SS18L1: variants seen among roughly 807,000 people sequenced by gnomAD.
The protein encoded by SS18L1 is SS18L1 subunit of BAF chromatin remodeling complex.
Under a neutral mutation model 70.3 loss-of-function variants are expected in SS18L1, and 32 were observed. The ratio of observed to expected loss-of-function variants is 0.46; its 90% CI spans 0.34 to 0.61. The LOEUF (loss-of-function observed/expected upper bound fraction) is 0.61, where lower values mean the gene tolerates loss of function less well. Among genes scored for constraint, SS18L1 ranks in the 20% least tolerant of loss-of-function variants. The pLI, the probability that SS18L1 is intolerant of heterozygous loss-of-function variation, is 0.01. For missense variants in SS18L1, 430 were observed against 542.1 expected (o/e 0.79, Z 2.05); for synonymous variants, 237 against 229.7 (o/e 1.03, Z -0.29).
intron 8 of SS18L1, among the ~76,000 whole-genome samples, chr20:62,169,371 C>T (rs1408752663): frequency 6.6e-6 from 1 of 152,246 alleles, no homozygotes; most frequent in Non-Finnish European, 1.5e-5. Context: ...AGGGCTCAGG[C>T]AGTCCAGAGC....
intron 1 of SS18L1, among the ~76,000 whole-genome samples, chr20:62,147,088 G>C (rs181944598): frequency 6.6e-6 from 1 of 152,334 alleles, no homozygotes; most frequent in African/African-American, 2.4e-5. Context: ...GAGTGCGTTT[G>C]TGGTGAGGGC....
chr20:62,163,070 G>T, intron 5 of SS18L1, 139 bp downstream of exon 5: 1 of 1,174,152 alleles, frequency 8.5e-7, no homozygotes, highest in Non-Finnish European at 1.2e-6. Flanking sequence ...AATCGGGGCT[G>T]GCCGCTGCCT....
At chr20:62,175,032 C>A in intron 10 of SS18L1, 1 of 755,072 alleles carries the variant, frequency 1.3e-6, no homozygotes, top group Non-Finnish European at 1.6e-6. Flanking sequence ...TCCCACAGGG[C>A]CAGACTGTGC....
intron 1 of SS18L1, among the ~76,000 whole-genome samples, chr20:62,157,491 G>A (rs138220014): frequency 3.3e-4 from 51 of 152,324 alleles, no homozygotes; most frequent in African/African-American, 1.1e-3. Flanking sequence ...CATCTTGAGC[G>A]CAGACCGTGC....
chr20:62,153,666 A>G (rs1357694586), intron 1 of SS18L1, among the ~76,000 whole-genome samples: 1 of 150,738 alleles, frequency 6.6e-6, no homozygotes, highest in Non-Finnish European at 1.5e-5. Context: ...GGAGTTGTTG[A>G]TTGTTTTTCT....
intron 10 of SS18L1, among the ~76,000 whole-genome samples, chr20:62,176,688 A>T (rs1156894013): frequency 6.6e-6 from 1 of 152,036 alleles, no homozygotes; most frequent in Non-Finnish European, 1.5e-5. Flanking sequence ...CTGTAAGCCC[A>T]GCTATTGGGG....
rs200309589 is a variant in SS18L1, at chr20:62,174,548, C to T, written c.1068C>T (p.Pro356=). Residue 356 remains proline (P), a synonymous_variant, in exon 10 of 11, where the codon CCC becomes CCT. Coordinates refer to ENST00000331758, the MANE Select transcript of SS18L1 (RefSeq NM_198935.3). This position sits in a 1 kb window ranked among gnomAD's most constrained non-coding sequence, Gnocchi z 4.1. ...GSAQGAPSQY[P]GYQQGQGQQY... ...CCCAGGGAGCCCCGTCACAGTACCC[C>T]GGCTACCAGCAAGGCCAAGGCCAGC... 81 of 1,614,084 alleles carry T rather than the reference C, an allele frequency of 5.0e-5. No individual in the cohort carries two copies. The highest frequency in any genetic ancestry group is 1.2e-4 in the Admixed American group (7 of 60,030).
intron 1 of SS18L1, among the ~76,000 whole-genome samples, chr20:62,145,504 AAC>A (rs566094383): frequency 9.2e-4 from 140 of 152,332 alleles, no homozygotes; most frequent in Non-Finnish European, 1.5e-3. Context: ...TTTGGAGCTT[AAC>A]AGTCATTGTT....
At chr20:62,165,147 C>T (rs544640265) in intron 7 of SS18L1, among the ~76,000 whole-genome samples, 5 of 152,370 alleles carry the variant, frequency 3.3e-5, no homozygotes, top group Admixed American at 2.6e-4. Context: ...GGGTCACTAG[C>T]ATGGCTGTGT....
In SS18L1 at chr20:62,164,162, C is replaced by G; in HGVS notation, c.739C>G (p.Leu247Val). ...CCCCGCAGGCTCTTCCCAGCAGTAC[C>G]TGGGCCAGGAGGAGTACTATGGCGA... ...PSQQGSSQQYLGQEEYYGEQY... is the reference protein window; with the variant it reads ...PSQQGSSQQYVGQEEYYGEQY... The change falls in exon 7 of 11, where the codon CTG (leucine) becomes GTG (valine). Residue 247 changes from leucine to valine, a missense_variant. Transcript: ENST00000331758. 1 of 1,550,084 alleles carries G rather than the reference C, an allele frequency of 6.5e-7. No individual in the cohort carries two copies. The highest frequency in any genetic ancestry group is 2.4e-5 in the East Asian group (1 of 40,914).
chr20:62,172,633 C>T (rs1372350663), intron 8 of SS18L1, 49 bp from the exon 9 acceptor site: 3 of 1,613,350 alleles, frequency 1.9e-6, no homozygotes, highest in Non-Finnish European at 2.5e-6. Context: ...GAATGAGCCC[C>T]CTTAGCCCAG....
chr20:62,168,098 C>T (rs568972434), intron 8 of SS18L1, among the ~76,000 whole-genome samples: 1 of 151,606 alleles, frequency 6.6e-6, no homozygotes, highest in East Asian at 1.9e-4. Flanking sequence ...TGCAGGGGCT[C>T]CAGGTGTGCG....
In SS18L1 at chr20:62,174,150, C is replaced by T. The variant is rs977583387; in HGVS notation, c.1037-367C>T. 1.3e-5 allele frequency among the ~76,000 whole-genome samples: 2 copies of T among 152,156 alleles called. No homozygotes were observed. Among genetic ancestry groups the T allele is most frequent in the Non-Finnish European group, 2.9e-5 (2 of 68,034 alleles). On this transcript the variant is annotated intron_variant, in intron 9 of 10. Transcript: ENST00000331758. The surrounding 1 kb of genome is among the most constrained non-coding windows in gnomAD (Gnocchi z 4.1). ...CCCGTGGTAGTTCAGTGACAAGTTA[C>T]AGCAGCCAGTGTGACTGGGGCCAGC... is the stretch of plus-strand genomic sequence containing the variant.
At position 62,161,284 on chromosome 20, in the gene SS18L1, G is replaced by A; in HGVS notation, c.232-152G>A. The A allele has an allele frequency of 9.4e-7, 1 of 1,065,726 alleles. No homozygotes were observed. The highest frequency in any genetic ancestry group is 1.4e-6 in the Non-Finnish European group (1 of 714,424). 66.0% of individuals were successfully genotyped at this position (1,065,726 alleles called of 1,614,324 possible). ...GGGCCTGGTGCTCTGCGGTCACCTG[G>A]CTGTGACGATGGCTGCTGATTACGA... On this transcript the variant is annotated intron_variant, in intron 3 of 10. Coordinates refer to ENST00000331758, the MANE Select transcript of SS18L1 (RefSeq NM_198935.3). The surrounding 1 kb of genome is among the most constrained non-coding windows in gnomAD (Gnocchi z 4.4).
rs1341384634 is a variant in SS18L1 at position 62,158,364 on chromosome 20, C to A, written c.70-308C>A. Among the ~76,000 whole-genome samples, 1 of 151,474 alleles carries A rather than the reference C, an allele frequency of 6.6e-6. No homozygotes were observed. Among genetic ancestry groups the A allele is most frequent in the Non-Finnish European group, 1.5e-5 (1 of 67,922 alleles). The stretch of plus-strand genomic sequence containing the variant: ...ATGCACGTAACGACAGTTTCGTATA[C>A]AGAACAGGCGTAGCATCCGAGATCT... On this transcript the variant is annotated intron_variant, in intron 1 of 10. Coordinates refer to ENST00000331758, the MANE Select transcript of SS18L1 (RefSeq NM_198935.3). This position sits in a 1 kb window ranked among gnomAD's most constrained non-coding sequence, Gnocchi z 4.5.
rs1163916543 is a variant in SS18L1 at position 62,154,362 on chromosome 20, G to A, written c.70-4310G>A. 4 of 1,050,594 alleles carry A rather than the reference G, an allele frequency of 3.8e-6. No homozygotes were observed. In the Admixed American group the frequency reaches 1.6e-4, roughly 43 times the overall value. The allele number at this position is 1,050,594 out of a possible 1,614,324, so 65.1% of individuals were successfully genotyped here. A position where few individuals can be genotyped will look rare whatever the true frequency, so the allele number is the denominator to read the frequency against. On this transcript the variant is annotated intron_variant, in intron 1 of 10. Transcript: ENST00000331758. ...TTTCCTAACTTGCGGGTCTGAAAGT[G>A]CGTCCATTCCCCCTTCACGCCTGGT...
At position 62,179,243 on chromosome 20, in the gene SS18L1, C is replaced by T. The variant is rs778615184; in HGVS notation, c.*35C>T. Reference sequence around the variant, plus strand: ...ATTCTGGCTGGAGCCCTTGTGGTAGCGTGTTCATCCAGGGGCCGGATGGGC... The same window carrying T: ...ATTCTGGCTGGAGCCCTTGTGGTAGTGTGTTCATCCAGGGGCCGGATGGGC... On this transcript the variant is annotated 3_prime_UTR_variant, in exon 11 of 11. Transcript: ENST00000331758. The T allele has an allele frequency of 1.2e-5, 19 of 1,613,648 alleles. No homozygotes were observed. Among genetic ancestry groups the T allele is most frequent in the Admixed American group, 8.3e-5 (5 of 59,982 alleles).
At position 62,174,756 on chromosome 20, in the gene SS18L1, G is replaced by A; in HGVS notation, c.1164+112G>A. The A allele has an allele frequency of 6.2e-7, 1 of 1,601,124 alleles. No individual in the cohort carries two copies. Among genetic ancestry groups the A allele is most frequent in the Non-Finnish European group, 8.5e-7 (1 of 1,174,076 alleles). On this transcript the variant is annotated intron_variant, in intron 10 of 10. Coordinates refer to ENST00000331758, the MANE Select transcript of SS18L1 (RefSeq NM_198935.3). The surrounding 1 kb of genome is among the most constrained non-coding windows in gnomAD (Gnocchi z 4.1). ...ATGAGCTGGAACTAACTGGCTTCCA[G>A]GGTTCCTTCCAGAACGTTAAGTCTC...
At chr20:62,154,645 G>A (rs375423152) in intron 1 of SS18L1, among the ~76,000 whole-genome samples, 2 of 152,186 alleles carry the variant, frequency 1.3e-5, no homozygotes, top group African/African-American at 2.4e-5. Flanking sequence ...CCGTGCTGTC[G>A]GAATCCACTG....
Sources: allele counts gnomAD v4.1 joint callset (sites outside exome capture counted in the v4.1 genomes callset), GRCh38; gene constraint gnomAD v4.1.1; non-coding constraint Gnocchi (gnomAD v3.1); transcripts MANE v1.5; gene names NCBI Gene and HGNC (gene_info 2026-07-23, HGNC 2026-07-21).